Variants in KDM3B observed in about 807,000 individuals in gnomAD.
KDM3B encodes the protein lysine-specific demethylase 3B.
In KDM3B, 10 loss-of-function variants were observed where a neutral mutation model predicts 170.0. The ratio of observed to expected loss-of-function variants is 0.06; its 90% CI spans 0.04 to 0.10. KDM3B has a LOEUF of 0.10. KDM3B is among the 10% of genes least tolerant of loss of function. KDM3B has a pLI of 1.00. For synonymous variants in KDM3B, 831 were observed against 834.8 expected (o/e 1.00, Z 0.08); for missense variants, 1,394 against 2,195.2 (o/e 0.64, Z 7.29).
chr5:138,410,650 T>C (rs1222043347), intron 11 of KDM3B, among the ~76,000 whole-genome samples: 1 of 152,000 alleles, frequency 6.6e-6, no homozygotes, highest in Non-Finnish European at 1.5e-5. Context: ...CGGAGACCAG[T>C]AGTGGCCCCG....
intron 15 of KDM3B, among the ~76,000 whole-genome samples, chr5:138,422,195 C>G (rs1763289271): frequency 6.6e-6 from 1 of 152,136 alleles, no homozygotes; most frequent in Non-Finnish European, 1.5e-5. Flanking sequence ...ACCATCTGAC[C>G]TATTACATGT....
intron 5 of KDM3B, 74 bp from the exon 6 acceptor site, chr5:138,381,442 A>T: frequency 1.1e-6 from 1 of 941,246 alleles, no homozygotes; most frequent in Non-Finnish European, 1.7e-6. Flanking sequence ...AGAGATAATT[A>T]CATTGATTAG....
rs115603112 is a variant in KDM3B, at chr5:138,417,400, A to T, written c.3308-83A>T. ...TGAAATGTGGTAAGGATTGAGGGAG[A>T]TAATGTAAAGAACACTCTTAGCACA... On this transcript the variant is annotated intron_variant, in intron 12 of 23. Coordinates refer to ENST00000314358, the MANE Select transcript of KDM3B (RefSeq NM_016604.4). The T allele has an allele frequency of 2.7e-3, 3,547 of 1,334,488 alleles. 73 individuals carry two copies. In the African/African-American group the frequency reaches 0.044, roughly 17 times the overall value. The allele number at this position is 1,334,488 out of a possible 1,614,324, so 82.7% of individuals were successfully genotyped here. A position where few individuals can be genotyped will look rare whatever the true frequency, so the allele number is the denominator to read the frequency against.
At chr5:138,382,830 AG>A (rs1280787144) in intron 6 of KDM3B, among the ~76,000 whole-genome samples, 1 of 152,168 alleles carries the variant, frequency 6.6e-6, no homozygotes, top group Non-Finnish European at 1.5e-5. Context: ...TACCACAAAC[AG>A]GGTAAGTCTC....
intron 20 of KDM3B, 28 bp from the exon 21 acceptor site, chr5:138,429,798 A>C: frequency 1.2e-6 from 2 of 1,611,864 alleles, no homozygotes; most frequent in Non-Finnish European, 1.7e-6. Context: ...GGCTGACTAC[A>C]TTGAAAGTGT....
chr5:138,387,691 T>G (rs1430718173), intron 7 of KDM3B, among the ~76,000 whole-genome samples: 1 of 152,224 alleles, frequency 6.6e-6, no homozygotes, highest in Non-Finnish European at 1.5e-5. Context: ...TGTTGATGGT[T>G]TGTCCTGTTG....
chr5:138,426,862 CAAAAAAAAAAA>C (rs60899302), intron 17 of KDM3B, 102 bp from the exon 18 acceptor site: 2 of 496,924 alleles, frequency 4.0e-6, no homozygotes, highest in African/African-American at 2.5e-5. Flanking sequence ...GACTCTGTCT[CAAAAAAAAAAA>C]AAAAAAAGAA....
chr5:138,367,838 C>T (rs1409062224), intron 1 of KDM3B, among the ~76,000 whole-genome samples: 1 of 152,044 alleles, frequency 6.6e-6, no homozygotes, highest in East Asian at 1.9e-4. Flanking sequence ...CATGGTGAAA[C>T]CCTGTCTCTA....
intron 9 of KDM3B, among the ~76,000 whole-genome samples, chr5:138,396,759 G>C (rs1196197822): frequency 6.6e-6 from 1 of 152,014 alleles, no homozygotes; most frequent in Non-Finnish European, 1.5e-5. Flanking sequence ...TCCTCACAGG[G>C]GAAGTAATAT....
intron 1 of KDM3B, among the ~76,000 whole-genome samples, chr5:138,355,834 G>C (rs1235319428): frequency 1.3e-5 from 2 of 152,180 alleles, no homozygotes; most frequent in Non-Finnish European, 2.9e-5. Context: ...AGCAAAGCTT[G>C]TAATTTGCAA....
At position 138,431,567 on chromosome 5, in the gene KDM3B, A is replaced by G; in HGVS notation, c.5205+8A>G. ...CATGAGGATAAACTGCAGGTAAATA[A>G]CTCCTCCCTCTACCCCACTCTGTCT... On this transcript the variant is annotated splice_region_variant and intron_variant, in intron 23 of 23. Coordinates refer to ENST00000314358, the MANE Select transcript of KDM3B (RefSeq NM_016604.4). 6.3e-7 allele frequency: 1 copy of G among 1,596,110 alleles called. No homozygotes were observed. The highest frequency in any genetic ancestry group is 8.5e-7 in the Non-Finnish European group (1 of 1,173,112).
intron 2 of KDM3B, among the ~76,000 whole-genome samples, chr5:138,373,311 C>A (rs1580887091): frequency 6.6e-6 from 1 of 151,948 alleles, no homozygotes; most frequent in Admixed American, 6.6e-5. Flanking sequence ...CTGCATCCAG[C>A]CTGGGGGACA....
intron 1 of KDM3B, among the ~76,000 whole-genome samples, chr5:138,370,377 A>C (rs1034140935): frequency 1.3e-5 from 2 of 152,198 alleles, no homozygotes; most frequent in African/African-American, 2.4e-5. Context: ...GTTGCCTGTG[A>C]AGAGATTAAA....
rs1761964120 is a variant in KDM3B, at chr5:138,375,100, C to T, written c.368C>T (p.Thr123Ile). The change falls in exon 3 of 24, where the codon ACT (threonine) becomes ATT (isoleucine). Residue 123 changes from threonine to isoleucine, a missense_variant. Transcript: ENST00000314358. ...SIAQWPALTF[T>I]PLVDKLGLGS... ...TGTCATTGTACTTCACAGACTTTTA[C>T]TCCCCTTGTAGATAAACTGGGTTTG... 3 of 1,593,996 alleles carry T rather than the reference C, an allele frequency of 1.9e-6. No homozygotes were observed. Among genetic ancestry groups the T allele is most frequent in the Admixed American group, 1.7e-5 (1 of 59,938 alleles).
chr5:138,375,403 A>G (rs932760734), intron 3 of KDM3B, among the ~76,000 whole-genome samples, 197 bp downstream of exon 3: 1 of 151,078 alleles, frequency 6.6e-6, no homozygotes, highest in Non-Finnish European at 1.5e-5. Flanking sequence ...TTTGAGACAG[A>G]GTCTCGATAT....
intron 1 of KDM3B, among the ~76,000 whole-genome samples, chr5:138,365,280 G>C (rs1315770449): frequency 6.6e-6 from 1 of 151,702 alleles, no homozygotes; most frequent in Admixed American, 6.6e-5. Flanking sequence ...CTTTTTATGA[G>C]ACAAAGTTTC....
At chr5:138,392,316 T>G in intron 8 of KDM3B, 55 bp downstream of exon 8, 2 of 1,430,614 alleles carry the variant, frequency 1.4e-6, no homozygotes, top group Non-Finnish European at 9.3e-7. Flanking sequence ...CTCAAATGCC[T>G]GTCGTGTTCT....
chr5:138,420,577 C>T (rs1048671508), intron 14 of KDM3B, 129 bp from the exon 15 acceptor site: 3 of 1,001,388 alleles, frequency 3.0e-6, no homozygotes, highest in African/African-American at 3.2e-5. Flanking sequence ...ACAAACCATA[C>T]ACAGTTTGGG....
chr5:138,366,686 T>C (rs1761752625), intron 1 of KDM3B, among the ~76,000 whole-genome samples: 1 of 152,144 alleles, frequency 6.6e-6, no homozygotes, highest in Non-Finnish European at 1.5e-5. Flanking sequence ...AAACTGTCAG[T>C]GCTCCTTCAA....
Sources: gnomAD v4.1 joint callset for allele counts (sites outside exome capture counted in the v4.1 genomes callset) on GRCh38, gnomAD v4.1.1 for gene constraint, MANE v1.5 for transcripts, NCBI Gene and HGNC (gene_info 2026-07-23, HGNC 2026-07-21) for gene names.